The following TFAP2A variants were observed in gnomAD, a reference collection of about 807,000 sequenced individuals.
TFAP2A encodes the protein transcription factor AP-2-alpha.
In TFAP2A, 7 loss-of-function variants were observed where a neutral mutation model predicts 41.5. That is an observed-to-expected ratio of 0.17 (90% CI 0.10 to 0.32). TFAP2A has a LOEUF of 0.32. Among genes scored for constraint, TFAP2A ranks in the 10% least tolerant of loss-of-function variants. The pLI is 1.00. For missense variants in TFAP2A, 416 were observed against 563.3 expected (o/e 0.74, Z 2.65); for synonymous variants, 247 against 242.8 (o/e 1.02, Z -0.16).
intron 2 of TFAP2A, among the ~76,000 whole-genome samples, chr6:10,408,394 A>G (rs1581267290): frequency 1.3e-5 from 2 of 152,234 alleles, no homozygotes; most frequent in East Asian, 3.8e-4. Flanking sequence ...ATTTTTGCAA[A>G]GTAGAGCAAT....
At chr6:10,401,944 T>C (rs1031037818) in intron 5 of TFAP2A, 1 of 263,476 alleles carries the variant, frequency 3.8e-6, no homozygotes, top group Admixed American at 5.1e-5. Flanking sequence ...TATTTATCTT[T>C]CCATATCCAC....
intron 1 of TFAP2A, among the ~76,000 whole-genome samples, chr6:10,413,413 C>A (rs1758089333): frequency 6.6e-6 from 1 of 152,244 alleles, no homozygotes; most frequent in African/African-American, 2.4e-5. Flanking sequence ...GGACCCCGCC[C>A]GCCGAGGGCG....
At chr6:10,416,989 G>A (rs1561719436), upstream of TFAP2A, 1 of 152,394 alleles carries the variant, frequency 6.6e-6, no homozygotes, top group Non-Finnish European at 1.5e-5. Flanking sequence ...CCAGAAAATG[G>A]TCGACTTTCC....
intron 1 of TFAP2A, chr6:10,412,251 G>C (rs910799689): frequency 4.5e-5 from 44 of 987,866 alleles, no homozygotes; most frequent in Non-Finnish European, 5.2e-5. Flanking sequence ...CGCGGCGTCT[G>C]GCGAATCACA....
At chr6:10,415,277 C>A, upstream of TFAP2A, 1 of 1,410,610 alleles carries the variant, frequency 7.1e-7, no homozygotes, top group Non-Finnish European at 9.2e-7. Context: ...GAAACTTTTC[C>A]CTTTTCCAGC....
chr6:10,412,368 G>T, intron 1 of TFAP2A: 2 of 875,302 alleles, frequency 2.3e-6, no homozygotes, highest in Non-Finnish European at 2.7e-6. Context: ...ATGTGTCTGC[G>T]TGCGTGTGTG....
In TFAP2A at chr6:10,398,278, AGCGGCGGCGGCG is replaced by A. The variant is rs952111195; in HGVS notation, c.*127_*138del. The A allele has an allele frequency of 6.4e-7, 1 of 1,568,482 alleles. No individual in the cohort carries two copies. Among genetic ancestry groups the A allele is most frequent in the Admixed American group, 1.8e-5 (1 of 56,948 alleles). ...CGGAGACTCGGGGGGACCCAAGGGC[AGCGGCGGCGGCG>A]GCGGCGGCAGCAGCAGCAGCAGTAG... On this transcript the variant is annotated 3_prime_UTR_variant, in exon 7 of 7. Transcript: ENST00000379613. The surrounding 1 kb of genome is among the most constrained non-coding windows in gnomAD (Gnocchi z 5.3).
chr6:10,404,404 G>A, intron 4 of TFAP2A, 104 bp downstream of exon 4: 2 of 780,006 alleles, frequency 2.6e-6, no homozygotes, highest in Non-Finnish European at 3.5e-6. Context: ...GCGTAGGGAG[G>A]GCCGCGGCGC....
At chr6:10,407,298 A>C in intron 2 of TFAP2A, 2 of 218,948 alleles carry the variant, frequency 9.1e-6, no homozygotes, top group Non-Finnish European at 9.2e-6. Flanking sequence ...GTGTTGGAAA[A>C]GAAAAGGTTT....
At chr6:10,407,158 T>A (rs1240997393) in intron 2 of TFAP2A, 4 of 387,656 alleles carry the variant, frequency 1.0e-5, no homozygotes, top group Non-Finnish European at 1.9e-5. Flanking sequence ...TCTCAGTCAG[T>A]TCAACATTTA....
intron 1 of TFAP2A, chr6:10,411,926 G>A: frequency 8.4e-7 from 1 of 1,195,838 alleles, no homozygotes; most frequent in Non-Finnish European, 1.0e-6. Flanking sequence ...GTGGGTGCGT[G>A]CGTGTTCCTT....
At chr6:10,418,385 G>A (rs893143959), upstream of TFAP2A, 1 of 152,218 alleles carries the variant, frequency 6.6e-6, no homozygotes, top group South Asian at 2.1e-4. Context: ...CAGATTTTTG[G>A]GGGGAAGTTC....
chr6:10,412,125 T>C, intron 1 of TFAP2A: 1 of 995,458 alleles, frequency 1.0e-6, no homozygotes, highest in Non-Finnish European at 1.2e-6. Flanking sequence ...CGGAGCCGGC[T>C]CTCAATGCAG....
rs779727040 is a variant in TFAP2A, at chr6:10,410,192, C to T, written c.195G>A (p.Gln65=). The change falls in exon 2 of 7, where the codon CAG becomes CAA. Residue 65 remains glutamine, a synonymous_variant. Transcript: ENST00000379613. ...GATCTTGCGACTGGGGGTAGATAGG[C>T]TGGTAGGGTGGGGGGAAGTATGGGG... ...FQPPYFPPPY[Q]PIYPQSQDPY... 5 of 1,213,424 alleles carry T rather than the reference C, an allele frequency of 4.1e-6. No homozygotes were observed. Among genetic ancestry groups the T allele is most frequent in the Admixed American group, 4.8e-5 (2 of 41,570 alleles). 75.2% of individuals were successfully genotyped at this position (1,213,424 alleles called of 1,614,324 possible).
chr6:10,401,401 T>C (rs144554754), intron 5 of TFAP2A, among the ~76,000 whole-genome samples: 69 of 152,350 alleles, frequency 4.5e-4, no homozygotes, highest in South Asian at 1.0e-3. Flanking sequence ...TTTAATGTAA[T>C]GGTACTGTAG....
chr6:10,418,262 CT>C (rs1280951777), upstream of TFAP2A: 5 of 152,226 alleles, frequency 3.3e-5, no homozygotes, highest in African/African-American at 9.7e-5. Flanking sequence ...CGCAAAAGGC[CT>C]TTCTTTCTCC....
chr6:10,419,112 T>G (rs1581280397), upstream of TFAP2A, among the ~76,000 whole-genome samples: 1 of 150,922 alleles, frequency 6.6e-6, no homozygotes, highest in East Asian at 2.0e-4. Context: ...GGGAGGGGGG[T>G]GGGGGAAACG....
intron 4 of TFAP2A, 40 bp from the exon 5 acceptor site, chr6:10,402,650 A>G: frequency 6.9e-7 from 1 of 1,450,638 alleles, no homozygotes; most frequent in Non-Finnish European, 9.7e-7. Context: ...TTTAGAAAAC[A>G]TTGGGTTGCT....
rs1762049566 is a variant in TFAP2A, at chr6:10,402,534, G to A, written c.847C>T (p.Arg283Cys). 1 of 1,613,990 alleles carries A rather than the reference G, an allele frequency of 6.2e-7. No homozygotes were observed. Among genetic ancestry groups the A allele is most frequent in the Non-Finnish European group, 8.5e-7 (1 of 1,180,006 alleles). The part of the protein sequence containing the change: ...KIGLNLPAGR[R>C]KAANVTLLTS... ...AGCAGGGTAACGTTGGCAGCTTTAC[G>A]TCTCCCTGCAGGCAGATTTAATCCT... The change falls in exon 5 of 7, where the codon CGT becomes TGT. Residue 283 changes from arginine (R) to cysteine (C), a missense_variant. By Grantham distance (180) the Arg-to-Cys change is radical. Transcript: ENST00000379613.
Sources: allele counts gnomAD v4.1 joint callset (sites outside exome capture counted in the v4.1 genomes callset), GRCh38; gene constraint gnomAD v4.1.1; non-coding constraint Gnocchi (gnomAD v3.1); transcripts MANE v1.5; gene names NCBI Gene and HGNC (gene_info 2026-07-23, HGNC 2026-07-21).